Variants in PLEKHO2 observed in about 807,000 individuals in gnomAD.
PLEKHO2 encodes the protein pleckstrin homology domain containing O2.
PLEKHO2 carries 20 observed loss-of-function variants against 32.7 expected under a neutral mutation model. That is an observed-to-expected ratio of 0.61 (90% CI 0.43 to 0.89). The LOEUF is 0.89. Among genes scored for constraint, PLEKHO2 ranks in the 40% least tolerant of loss-of-function variants. The probability of loss-of-function intolerance (pLI) is 0.00; values close to 1 mark genes in which losing one functional copy is unlikely to be tolerated. For synonymous variants in PLEKHO2, 247 were observed against 246.3 expected, an observed-to-expected ratio of 1.00 and a Z score of -0.03; for missense variants, 568 against 621.2, an observed-to-expected ratio of 0.91 and a Z score of 0.91.
At chr15:64,850,108 C>T (rs765736845) in intron 2 of PLEKHO2, among the ~76,000 whole-genome samples, 6 of 151,810 alleles carry the variant, frequency 4.0e-5, no homozygotes, top group Non-Finnish European at 7.4e-5. Flanking sequence ...TGCAGTGAGC[C>T]GAGATCATGC....
At chr15:64,844,721 T>C (rs1338236314) in intron 1 of PLEKHO2, among the ~76,000 whole-genome samples, 1 of 152,184 alleles carries the variant, frequency 6.6e-6, no homozygotes, top group Non-Finnish European at 1.5e-5. Flanking sequence ...CTTTTGTGCC[T>C]TGCCTTCTCT....
intron 1 of PLEKHO2, among the ~76,000 whole-genome samples, chr15:64,847,707 A>G (rs1323047673): frequency 2.6e-5 from 4 of 152,168 alleles, no homozygotes; most frequent in African/African-American, 9.7e-5. Flanking sequence ...CAAGTCCAAG[A>G]GAAGGGCTTG....
chr15:64,863,519 T>TGTG (rs2084658078), intron 5 of PLEKHO2, among the ~76,000 whole-genome samples: 2 of 145,068 alleles, frequency 1.4e-5, no homozygotes, highest in Non-Finnish European at 3.1e-5. Flanking sequence ...GTGTGTGTGT[T>TGTG]TGTGTGTGTG....
Position 64,866,250 on chromosome 15 carries a change from C to G in PLEKHO2, c.*362C>G. ...ATGACATCATCTCTGTTCCCCATCC[C>G]CAGTAGTTTACATTCCTGACTTCTG... On this transcript the variant is annotated 3_prime_UTR_variant, in exon 6 of 6. Coordinates refer to ENST00000323544, the MANE Select transcript of PLEKHO2 (RefSeq NM_025201.5). The G allele has an allele frequency of 2.2e-6, 1 of 462,068 alleles. No individual in the cohort carries two copies. The highest frequency in any genetic ancestry group is 4.3e-6 in the Non-Finnish European group (1 of 233,022). 28.6% of individuals were successfully genotyped at this position (462,068 alleles called of 1,614,324 possible). A position where few individuals can be genotyped will look rare whatever the true frequency, so the allele number is the denominator to read the frequency against.
At chr15:64,842,735 A>G (rs750378382) in intron 1 of PLEKHO2, among the ~76,000 whole-genome samples, 31 of 152,118 alleles carry the variant, frequency 2.0e-4, no homozygotes, top group Non-Finnish European at 4.4e-4. Context: ...GGCTGGACCA[A>G]CTGTGTCCCT....
chr15:64,858,665 G>A (rs2084621998), intron 3 of PLEKHO2, among the ~76,000 whole-genome samples: 1 of 152,154 alleles, frequency 6.6e-6, no homozygotes, highest in African/African-American at 2.4e-5. Flanking sequence ...TGTCCAGAGG[G>A]AAGGCAATGG....
chr15:64,855,829 AGGGCTGAGTCACAGAGGCTG>A (rs2084603082), intron 3 of PLEKHO2, among the ~76,000 whole-genome samples: 1 of 152,148 alleles, frequency 6.6e-6, no homozygotes, highest in Non-Finnish European at 1.5e-5. Context: ...CTCGCAGAAT[AGGGCTGAGTCACAGAGGCTG>A]GGAGTTGGGG....
chr15:64,844,551 T>G (rs1403738126), intron 1 of PLEKHO2, among the ~76,000 whole-genome samples: 1 of 152,220 alleles, frequency 6.6e-6, no homozygotes, highest in African/African-American at 2.4e-5. Context: ...TGCCTTTCCC[T>G]GGCTTCTAGG....
chr15:64,842,092 C>CCTGGG, intron 1 of PLEKHO2, 64 bp downstream of exon 1: 1 of 1,220,052 alleles, frequency 8.2e-7, no homozygotes, highest in Non-Finnish European at 1.0e-6. Context: ...GGATTGCGGT[C>CCTGGG]CTGGGCTCAG....
At chr15:64,857,865 A>C (rs1343129414) in intron 3 of PLEKHO2, among the ~76,000 whole-genome samples, 1 of 152,142 alleles carries the variant, frequency 6.6e-6, no homozygotes, top group Non-Finnish European at 1.5e-5. Context: ...AAGCGAGTAG[A>C]ACTTGGTAAT....
At chr15:64,849,732 C>T (rs1009782118) in intron 2 of PLEKHO2, among the ~76,000 whole-genome samples, 4 of 150,440 alleles carry the variant, frequency 2.7e-5, no homozygotes, top group Admixed American at 6.7e-5. Context: ...CGTGAGCCTG[C>T]GTGCCCAGCG....
chr15:64,852,865 A>G (rs959059303), intron 2 of PLEKHO2, among the ~76,000 whole-genome samples: 1 of 151,974 alleles, frequency 6.6e-6, no homozygotes, highest in African/African-American at 2.4e-5. Flanking sequence ...GTTCGCATCC[A>G]GGCCAGGCTT....
chr15:64,856,287 T>G (rs1463626370), intron 3 of PLEKHO2, among the ~76,000 whole-genome samples: 2 of 152,058 alleles, frequency 1.3e-5, no homozygotes, highest in Admixed American at 6.6e-5. Flanking sequence ...AGATGCAAAG[T>G]ATGTTCTGTG....
intron 5 of PLEKHO2, among the ~76,000 whole-genome samples, chr15:64,864,297 A>G (rs1275795774): frequency 6.6e-6 from 1 of 152,116 alleles, no homozygotes; most frequent in Non-Finnish European, 1.5e-5. Context: ...ACATCTGATG[A>G]CATGAGGAGA....
rs774029981 is a variant in PLEKHO2 at position 64,854,934 on chromosome 15, G to A, written c.176G>A (p.Cys59Tyr). ...CTCCCTCCCCAGGATGATCAGAAGT[G>A]TGTGGAGACTGTGGAGCTGGGCAGC... Reference protein sequence around the residue: ...LVYENEDDQKCVETVELGSYE... With the variant: ...LVYENEDDQKYVETVELGSYE... The change falls in exon 3 of 6, where the codon TGT becomes TAT. Residue 59 changes from cysteine to tyrosine, a missense_variant. Cys to Tyr is a radical substitution (Grantham distance 194). Coordinates refer to ENST00000323544, the MANE Select transcript of PLEKHO2 (RefSeq NM_025201.5). The A allele has an allele frequency of 6.0e-5, 96 of 1,613,036 alleles. No homozygotes were observed. The highest frequency in any genetic ancestry group is 8.0e-5 in the Non-Finnish European group (94 of 1,179,682).
chr15:64,842,492 ACT>A (rs138954095), intron 1 of PLEKHO2, among the ~76,000 whole-genome samples: 7,946 of 143,804 alleles, frequency 0.055, 279 homozygotes, highest in Non-Finnish European at 0.086. Context: ...TCGGATCCTG[ACT>A]CTGTGTGTGT....
At chr15:64,856,856 C>T (rs751031710) in intron 3 of PLEKHO2, among the ~76,000 whole-genome samples, 8 of 152,246 alleles carry the variant, frequency 5.3e-5, no homozygotes, top group African/African-American at 2.4e-5. Flanking sequence ...CCTCCTTTCT[C>T]AGCAGCCTGG....
At position 64,866,405 on chromosome 15, in the gene PLEKHO2, T is replaced by C. The variant is rs764184781; in HGVS notation, c.*517T>C. On this transcript the variant is annotated 3_prime_UTR_variant, in exon 6 of 6. Coordinates refer to ENST00000323544, the MANE Select transcript of PLEKHO2 (RefSeq NM_025201.5). Reference sequence around the variant, plus strand: ...TCTGAGTAGCTGCAGAGGCCTTGGGTCCAGGCTCTAGGTTCATCCCTCAGT... The same window carrying C: ...TCTGAGTAGCTGCAGAGGCCTTGGGCCCAGGCTCTAGGTTCATCCCTCAGT... 4.4e-6 allele frequency: 2 copies of C among 456,278 alleles called. No homozygotes were observed. Among genetic ancestry groups the C allele is most frequent in the South Asian group, 1.5e-5 (1 of 64,554 alleles). The allele number at this position is 456,278 out of a possible 1,614,324, so 28.3% of individuals were successfully genotyped here. A position where few individuals can be genotyped will look rare whatever the true frequency, so the allele number is the denominator to read the frequency against.
chr15:64,848,146 C>G (rs563421689), intron 1 of PLEKHO2, among the ~76,000 whole-genome samples: 51 of 152,330 alleles, frequency 3.3e-4, no homozygotes, highest in African/African-American at 1.2e-3. Flanking sequence ...GCACTCAGTA[C>G]ATTTGTTGAC....
Sources: gnomAD v4.1 joint callset for allele counts (sites outside exome capture counted in the v4.1 genomes callset) on GRCh38, gnomAD v4.1.1 for gene constraint, MANE v1.5 for transcripts, NCBI Gene and HGNC (gene_info 2026-07-23, HGNC 2026-07-21) for gene names.